Variants in PLOD2 observed in about 807,000 individuals in gnomAD.
PLOD2 encodes procollagen-lysine,2-oxoglutarate 5-dioxygenase 2.
Under a neutral mutation model 101.0 loss-of-function variants are expected in PLOD2, and 65 were observed. The observed-to-expected ratio is 0.64, with a 90% CI of 0.53 to 0.79. The LOEUF (loss-of-function observed/expected upper bound fraction) is 0.79. Among genes scored for constraint, PLOD2 ranks in the 30% least tolerant of loss-of-function variants. PLOD2 has a pLI of 0.00. For missense variants in PLOD2, 909 were observed against 914.6 expected, an observed-to-expected ratio of 0.99 and a Z score of 0.08; for synonymous variants, 314 against 302.9, an observed-to-expected ratio of 1.04 and a Z score of -0.38.
At chr3:146,160,007 A>G (rs1019655773) in intron 1 of PLOD2, among the ~76,000 whole-genome samples, 4 of 151,098 alleles carry the variant, frequency 2.6e-5, no homozygotes, top group Middle Eastern at 3.4e-3. Flanking sequence ...AACTTGGGGG[A>G]AAAAATGGTG....
intron 12 of PLOD2, among the ~76,000 whole-genome samples, chr3:146,080,153 C>T (rs970462737): frequency 1.2e-4 from 18 of 151,894 alleles, no homozygotes; most frequent in Admixed American, 2.6e-4. Flanking sequence ...CAGCAGTCCC[C>T]GCCTTATGTG....
chr3:146,141,979 CAG>C (rs1576625433), intron 1 of PLOD2, among the ~76,000 whole-genome samples: 1 of 152,058 alleles, frequency 6.6e-6, no homozygotes, highest in East Asian at 1.9e-4. Context: ...ATGTGTGTAA[CAG>C]GGGAATGGGA....
chr3:146,112,792 A>C (rs1347463661), intron 3 of PLOD2, among the ~76,000 whole-genome samples: 1 of 150,130 alleles, frequency 6.7e-6, no homozygotes, highest in Non-Finnish European at 1.5e-5. Flanking sequence ...TGGAGGTTGC[A>C]GTGAGCTGAG....
At chr3:146,110,523 T>C in intron 3 of PLOD2, 75 bp from the exon 4 acceptor site, 1 of 1,225,036 alleles carries the variant, frequency 8.2e-7, no homozygotes. Context: ...AAAAGTTCTC[T>C]AACAAAAGTC....
intron 7 of PLOD2, among the ~76,000 whole-genome samples, chr3:146,092,156 T>C (rs1295924042): frequency 1.3e-5 from 2 of 151,850 alleles, no homozygotes; most frequent in African/African-American, 4.8e-5. Flanking sequence ...TCATATTATA[T>C]TAGATATAAT....
At chr3:146,119,697 G>GT (rs1290745597) in intron 3 of PLOD2, among the ~76,000 whole-genome samples, 5 of 151,358 alleles carry the variant, frequency 3.3e-5, no homozygotes, top group African/African-American at 7.3e-5. Context: ...GCGGTGTTTG[G>GT]TTTTTTGTCC....
At chr3:146,126,318 A>G (rs1398810027) in intron 1 of PLOD2, among the ~76,000 whole-genome samples, 1 of 151,558 alleles carries the variant, frequency 6.6e-6, no homozygotes, top group Non-Finnish European at 1.5e-5. Context: ...GCTATTCAGT[A>G]TCATGACTAT....
rs568235662 is a variant in PLOD2, at chr3:146,076,994, T to C, written c.1564-99A>G. ...TAGAAGATATTAATTTCTATCTTTA[T>C]ATTTCATTTATGAACATGCATTTTT... On this transcript the variant is annotated intron_variant, in intron 14 of 19. Coordinates refer to ENST00000282903, the MANE Select transcript of PLOD2 (RefSeq NM_182943.3). 9 of 1,148,782 alleles carry C rather than the reference T, an allele frequency of 7.8e-6. No individual in the cohort carries two copies. The African/African-American group carries it at 2.5e-4, about 32-fold the overall frequency. 71.2% of individuals were successfully genotyped at this position (1,148,782 alleles called of 1,614,324 possible). A position where few individuals can be genotyped will look rare whatever the true frequency, so the allele number is the denominator to read the frequency against.
Position 146,072,669 on chromosome 3 carries a change from T to TAAA in PLOD2, c.1744-7_1744-5dup. On this transcript the variant is annotated splice_polypyrimidine_tract_variant and splice_region_variant and intron_variant, in intron 16 of 19. Transcript: ENST00000282903. ...ACCAAAAGACATCTGGACAGGGCTATAAAATATGCATCATCGTTAGAAGAC... is the reference window on the plus strand; with the variant it reads ...ACCAAAAGACATCTGGACAGGGCTATAAAAAAATATGCATCATCGTTAGAAGAC... 6.5e-7 allele frequency: 1 copy of TAAA among 1,530,824 alleles called. No homozygotes were observed. Among genetic ancestry groups the TAAA allele is most frequent in the Non-Finnish European group, 9.0e-7 (1 of 1,105,050 alleles). The allele number at this position is 1,530,824 out of a possible 1,614,324, so 94.8% of individuals were successfully genotyped here. A position where few individuals can be genotyped will look rare whatever the true frequency, so the allele number is the denominator to read the frequency against.
At chr3:146,099,413 T>C (rs1212642370) in intron 7 of PLOD2, among the ~76,000 whole-genome samples, 1 of 152,164 alleles carries the variant, frequency 6.6e-6, no homozygotes, top group Non-Finnish European at 1.5e-5. Flanking sequence ...ATTTAAATTT[T>C]TGAGACACAA....
chr3:146,110,978 C>A (rs1937619993), intron 3 of PLOD2, among the ~76,000 whole-genome samples: 1 of 152,080 alleles, frequency 6.6e-6, no homozygotes, highest in Non-Finnish European at 1.5e-5. Flanking sequence ...CAGACAACTG[C>A]AGGTTTTTAA....
chr3:146,095,374 AC>A (rs1233223616), intron 7 of PLOD2, among the ~76,000 whole-genome samples: 30 of 137,198 alleles, frequency 2.2e-4, no homozygotes, highest in South Asian at 4.9e-4. Context: ...AAAAAAAAAA[AC>A]CACTCCATCA....
intron 1 of PLOD2, among the ~76,000 whole-genome samples, chr3:146,142,261 A>G (rs2031559668): frequency 6.6e-6 from 1 of 152,142 alleles, no homozygotes; most frequent in South Asian, 2.1e-4. Flanking sequence ...CAAGAAAAAT[A>G]ATGCCTAAAT....
At chr3:146,139,966 C>T (rs528115446) in intron 1 of PLOD2, among the ~76,000 whole-genome samples, 2 of 152,014 alleles carry the variant, frequency 1.3e-5, no homozygotes, top group South Asian at 2.1e-4. Context: ...ATGAATGGTT[C>T]GCCACCTGGT....
chr3:146,122,630 G>A (rs1414927245), intron 2 of PLOD2, among the ~76,000 whole-genome samples: 1 of 151,990 alleles, frequency 6.6e-6, no homozygotes, highest in African/African-American at 2.4e-5. Flanking sequence ...GGTGGTCTGG[G>A]GTCCACACTT....
intron 11 of PLOD2, 127 bp from the exon 12 acceptor site, chr3:146,081,990 T>G (rs1223957782): frequency 1.6e-6 from 1 of 607,166 alleles, no homozygotes; most frequent in African/African-American, 1.9e-5. Flanking sequence ...TCAACAAACC[T>G]GTAGTTAATA....
chr3:146,091,492 G>C (rs1286546594), intron 8 of PLOD2, among the ~76,000 whole-genome samples: 1 of 151,804 alleles, frequency 6.6e-6, no homozygotes, highest in Non-Finnish European at 1.5e-5. Flanking sequence ...GCCTTGTAAT[G>C]ATTTTTTCTC....
chr3:146,149,150 T>C (rs1196660063), intron 1 of PLOD2, among the ~76,000 whole-genome samples: 1 of 152,224 alleles, frequency 6.6e-6, no homozygotes, highest in East Asian at 1.9e-4. Flanking sequence ...TGTAATTTTG[T>C]ACCACACTTA....
In PLOD2 at chr3:146,161,135, G is replaced by A; in HGVS notation, c.-146C>T. 2.3e-6 allele frequency: 1 copy of A among 443,582 alleles called. No homozygotes were observed. The highest frequency in any genetic ancestry group is 3.8e-6 in the Non-Finnish European group (1 of 261,558). The allele number at this position is 443,582 out of a possible 1,614,324, so 27.5% of individuals were successfully genotyped here. A position where few individuals can be genotyped will look rare whatever the true frequency, so the allele number is the denominator to read the frequency against. On this transcript the variant is annotated 5_prime_UTR_variant, in exon 1 of 20. Coordinates refer to ENST00000282903, the MANE Select transcript of PLOD2 (RefSeq NM_182943.3). ...GCAAGGCGCGCGGCCGGCAGCCGGA[G>A]CGGCGCGTAACGCAGCTGAGTGAGG...
Sources: allele counts gnomAD v4.1 joint callset (sites outside exome capture counted in the v4.1 genomes callset), GRCh38; gene constraint gnomAD v4.1.1; transcripts MANE v1.5; gene names NCBI Gene and HGNC (gene_info 2026-07-23, HGNC 2026-07-21).